SHC3: variants seen among roughly 807,000 people sequenced by gnomAD.
SHC3 encodes the protein SHC adaptor protein 3.
Under a neutral mutation model 60.4 loss-of-function variants are expected in SHC3, and 15 were observed. The ratio of observed to expected loss-of-function variants is 0.25; its 90% CI spans 0.17 to 0.38. SHC3 has a LOEUF of 0.38. SHC3 is among the 10% of genes least tolerant of loss of function. The probability of loss-of-function intolerance (pLI) is 1.00; values close to 1 mark genes in which losing one functional copy is unlikely to be tolerated. For synonymous variants in SHC3, 294 were observed against 325.9 expected (o/e 0.90, Z 1.05); for missense variants, 677 against 786.1 (o/e 0.86, Z 1.66).
At chr9:89,124,115 A>G (rs1268624210) in intron 1 of SHC3, among the ~76,000 whole-genome samples, 3 of 152,154 alleles carry the variant, frequency 2.0e-5, no homozygotes, top group African/African-American at 7.2e-5. Context: ...GTCATCAGGG[A>G]AATGCAAATC....
At chr9:89,118,880 A>G (rs768941278) in intron 1 of SHC3, among the ~76,000 whole-genome samples, 10 of 152,224 alleles carry the variant, frequency 6.6e-5, no homozygotes, top group Admixed American at 1.3e-4. Flanking sequence ...GAAGAGGAGG[A>G]TGTGGGCTGC....
At chr9:89,065,643 A>G in intron 5 of SHC3, 63 bp from the exon 6 acceptor site, 1 of 1,522,248 alleles carries the variant, frequency 6.6e-7, no homozygotes, top group Non-Finnish European at 9.1e-7. Context: ...ACAGTCAGGG[A>G]CACAGGGCAC....
chr9:89,159,983 T>C (rs368565875), intron 1 of SHC3, among the ~76,000 whole-genome samples: 18 of 152,336 alleles, frequency 1.2e-4, no homozygotes, highest in East Asian at 1.2e-3. Flanking sequence ...ACAGAGGTCA[T>C]GGAGTGCAAG....
At chr9:89,065,463 G>A (rs866229822) in intron 6 of SHC3, 66 bp downstream of exon 6, 14 of 1,527,754 alleles carry the variant, frequency 9.2e-6, no homozygotes, top group Middle Eastern at 1.7e-4. Flanking sequence ...ACGAGGACCA[G>A]CTTGTATAGA....
intron 4 of SHC3, among the ~76,000 whole-genome samples, chr9:89,072,931 G>T (rs1466932246): frequency 6.6e-6 from 1 of 152,162 alleles, no homozygotes; most frequent in Non-Finnish European, 1.5e-5. Flanking sequence ...TTGGTTATTG[G>T]CACTTACAAC....
rs1826984357 is a variant in SHC3 at position 89,178,575 on chromosome 9, C to G, written c.-115G>C. The G allele has an allele frequency of 1.1e-6, 1 of 895,846 alleles. No homozygotes were observed. The highest frequency in any genetic ancestry group is 1.8e-5 in the African/African-American group (1 of 56,914). The allele number at this position is 895,846 out of a possible 1,614,324, so 55.5% of individuals were successfully genotyped here. A position where few individuals can be genotyped will look rare whatever the true frequency, so the allele number is the denominator to read the frequency against. The stretch of plus-strand genomic sequence containing the variant: ...CCGGAGCGGGACGGAGAGTGGGGGC[C>G]CCGGGACAGCCTTCTGGAGAACGAG... On this transcript the variant is annotated 5_prime_UTR_variant, in exon 1 of 12. Coordinates refer to ENST00000375835, the MANE Select transcript of SHC3 (RefSeq NM_016848.6). This position sits in a 1 kb window ranked among gnomAD's most constrained non-coding sequence, Gnocchi z 6.9.
chr9:89,049,783 C>T (rs924815797), intron 7 of SHC3, among the ~76,000 whole-genome samples: 8 of 152,188 alleles, frequency 5.3e-5, no homozygotes, highest in African/African-American at 1.9e-4. Context: ...GCCAACTGTT[C>T]CAACTGTGTT....
At position 89,146,848 on chromosome 9, in the gene SHC3, G is replaced by T. The variant is rs575707767; in HGVS notation, c.474+31139C>A. On this transcript the variant is annotated intron_variant, in intron 1 of 11. Transcript: ENST00000375835. ...GAACTCTCATTCACTGCTAGCACGG[G>T]TATAAATTTGGGTAAACACTTTGGA... Among the ~76,000 whole-genome samples, 14 of 152,274 alleles carry T rather than the reference G, an allele frequency of 9.2e-5. No individual in the cohort carries two copies. In the South Asian group the frequency reaches 1.2e-3, roughly 14 times the overall value.
chr9:89,033,924 C>A (rs1355500806), intron 11 of SHC3, among the ~76,000 whole-genome samples: 1 of 151,940 alleles, frequency 6.6e-6, no homozygotes, highest in African/African-American at 2.4e-5. Context: ...ATCTTGATAC[C>A]AAAACCATAT....
rs1825969404 is a variant in SHC3 at position 89,008,213 on chromosome 9, G to A, written c.*5234C>T. 6.6e-6 allele frequency: 1 copy of A among 152,174 alleles called. No homozygotes were observed. Among genetic ancestry groups the A allele is most frequent in the African/African-American group, 2.4e-5 (1 of 41,416 alleles). The allele number at this position is 152,174 out of a possible 1,614,324, so 9.4% of individuals were successfully genotyped here. A position where few individuals can be genotyped will look rare whatever the true frequency, so the allele number is the denominator to read the frequency against. ...ACCCCATTATAAATAAATTATGGCT[G>A]GCAGATGGCATTTAAGCTGCCAGCA... On this transcript the variant is annotated 3_prime_UTR_variant, in exon 12 of 12. Coordinates refer to ENST00000375835, the MANE Select transcript of SHC3 (RefSeq NM_016848.6).
intron 6 of SHC3, among the ~76,000 whole-genome samples, chr9:89,053,562 G>A (rs1824897753): frequency 6.6e-6 from 1 of 152,178 alleles, no homozygotes; most frequent in South Asian, 2.1e-4. Flanking sequence ...GACTTCTGTG[G>A]ACACAGGAAA....
chr9:89,112,750 C>A (rs75125050), intron 1 of SHC3, 124 bp from the exon 2 acceptor site: 1 of 738,994 alleles, frequency 1.4e-6, no homozygotes, highest in South Asian at 2.5e-5. Flanking sequence ...ACTTTAAATT[C>A]TAGGGTGAGG....
At chr9:89,120,502 T>C (rs1385211701) in intron 1 of SHC3, among the ~76,000 whole-genome samples, 1 of 152,156 alleles carries the variant, frequency 6.6e-6, no homozygotes, top group Non-Finnish European at 1.5e-5. Context: ...CTGAAAAAGA[T>C]ACAATTTTTC....
chr9:89,086,842 C>G (rs1825538118), intron 2 of SHC3, among the ~76,000 whole-genome samples: 1 of 152,180 alleles, frequency 6.6e-6, no homozygotes, highest in Non-Finnish European at 1.5e-5. Context: ...AGACCAAATG[C>G]ATATTTCACA....
intron 1 of SHC3, among the ~76,000 whole-genome samples, chr9:89,158,453 G>A (rs895163010): frequency 3.3e-5 from 5 of 152,098 alleles, no homozygotes; most frequent in Non-Finnish European, 1.5e-5. Context: ...ATATCTTGGT[G>A]AATGTTTCAT....
At chr9:89,140,334 T>C (rs1197720391) in intron 1 of SHC3, among the ~76,000 whole-genome samples, 1 of 144,272 alleles carries the variant, frequency 6.9e-6, no homozygotes. Context: ...GGCAAACAGA[T>C]TCCCCCCCCC....
rs534423263 is a variant in SHC3 at position 89,013,686 on chromosome 9, G to C, written c.1657-111C>G. ...TGAACTGGCCCAGAAGGAAAGGAGG[G>C]GGGGACAAGGGGCTTCCACCACTTT... On this transcript the variant is annotated intron_variant, in intron 11 of 11. Transcript: ENST00000375835. 8.2e-5 allele frequency: 117 copies of C among 1,421,304 alleles called. No individual in the cohort carries two copies. The Admixed American group carries it at 1.8e-3, about 22-fold the overall frequency. 88.0% of individuals were successfully genotyped at this position (1,421,304 alleles called of 1,614,324 possible).
At chr9:89,109,290 GGGGTCCCTCCTCC>G in intron 2 of SHC3, 1 of 757,632 alleles carries the variant, frequency 1.3e-6, no homozygotes, top group South Asian at 6.0e-5. Flanking sequence ...ATGGGTGAAG[GGGGTCCCTCCTCC>G]GGTCATGGTG....
chr9:89,164,212 C>G (rs558615134), intron 1 of SHC3, among the ~76,000 whole-genome samples: 1 of 152,080 alleles, frequency 6.6e-6, no homozygotes. Context: ...TCAGGGGCTC[C>G]GGCATTGGGC....
Sources: gnomAD v4.1 joint callset for allele counts (sites outside exome capture counted in the v4.1 genomes callset) on GRCh38, gnomAD v4.1.1 for gene constraint, Gnocchi (gnomAD v3.1) non-coding constraint, MANE v1.5 for transcripts, NCBI Gene and HGNC (gene_info 2026-07-23, HGNC 2026-07-21) for gene names.